Variants in PDSS2 observed in about 807,000 individuals in gnomAD.
The protein encoded by PDSS2 is all trans-polyprenyl-diphosphate synthase PDSS2.
PDSS2 carries 31 observed loss-of-function variants against 44.5 expected under a neutral mutation model. The observed-to-expected ratio is 0.70, with a 90% CI of 0.52 to 0.94. PDSS2 has a LOEUF of 0.94. Among genes scored for constraint, PDSS2 ranks in the 40% least tolerant of loss-of-function variants. The pLI is 0.00. For synonymous variants in PDSS2, 157 were observed against 180.3 expected (o/e 0.87, Z 1.03); for missense variants, 452 against 482.2 (o/e 0.94, Z 0.59).
intron 1 of PDSS2, among the ~76,000 whole-genome samples, chr6:107,381,761 T>C (rs879087820): frequency 1.3e-5 from 2 of 152,234 alleles, no homozygotes; most frequent in Admixed American, 1.3e-4. Flanking sequence ...TATTTCACTA[T>C]AATTATAGCA....
intron 1 of PDSS2, among the ~76,000 whole-genome samples, chr6:107,347,972 C>T (rs1239452139): frequency 1.3e-5 from 2 of 152,082 alleles, no homozygotes; most frequent in African/African-American, 2.4e-5. Context: ...TCCCCCACCC[C>T]CCACACAGTT....
chr6:107,267,255 A>G (rs941048986), intron 3 of PDSS2, among the ~76,000 whole-genome samples: 2 of 152,194 alleles, frequency 1.3e-5, no homozygotes, highest in Admixed American at 6.5e-5. Context: ...TTGTAGGTCT[A>G]ATCCATGAAC....
chr6:107,333,091 T>TA lies in PDSS2; in HGVS notation c.431+1106dup, dbSNP rs548084048. On this transcript the variant is annotated intron_variant, in intron 2 of 7. Coordinates refer to ENST00000369037, the MANE Select transcript of PDSS2 (RefSeq NM_020381.4). ...GGACAAGACCACTAGAAATAAAATT[T>TA]AAAAAAAATAGATTTATTTTTAAAG... 2.0e-3 allele frequency among the ~76,000 whole-genome samples: 303 copies of TA among 152,054 alleles called. 1 individual carries two copies. Among genetic ancestry groups the TA allele is most frequent in the Non-Finnish European group, 3.0e-3 (207 of 67,960 alleles).
At chr6:107,383,137 T>G (rs1363954127) in intron 1 of PDSS2, among the ~76,000 whole-genome samples, 1 of 150,758 alleles carries the variant, frequency 6.6e-6, no homozygotes, top group Non-Finnish European at 1.5e-5. Flanking sequence ...CCCCCATCTC[T>G]ACTAAAAAAA....
intron 7 of PDSS2, among the ~76,000 whole-genome samples, chr6:107,163,971 C>A (rs782397127): frequency 6.6e-6 from 1 of 151,982 alleles, no homozygotes; most frequent in Non-Finnish European, 1.5e-5. Flanking sequence ...CTTGCCTGGC[C>A]GTAAGACTCA....
Position 107,245,613 on chromosome 6 carries a change from C to G in PDSS2, c.637G>C (p.Glu213Gln). The change falls in exon 4 of 8, where the codon GAA becomes CAA. Residue 213 changes from glutamate to glutamine, a missense_variant. Transcript: ENST00000369037. ...TCCATAAGAGCACTTGCTAAAAGTT[C>G]CACAACCTAAAAAGCAAGAAGAAAA... is the stretch of plus-strand genomic sequence containing the variant. The part of the protein sequence containing the change: ...LALLQNTKVV[E>Q]LLASALMDLV... 2 of 1,575,998 alleles carry G rather than the reference C, an allele frequency of 1.3e-6. No individual in the cohort carries two copies. The highest frequency in any genetic ancestry group is 1.7e-6 in the Non-Finnish European group (2 of 1,152,150).
chr6:107,216,427 T>G lies in PDSS2; in HGVS notation c.703-4145A>C, dbSNP rs6568476. Among the ~76,000 whole-genome samples the G allele has an allele frequency of 9.8e-4, 149 of 152,008 alleles. 1 individual carries two copies. The highest frequency in any genetic ancestry group is 1.6e-3 in the Non-Finnish European group (109 of 67,972). On this transcript the variant is annotated intron_variant, in intron 4 of 7. Coordinates refer to ENST00000369037, the MANE Select transcript of PDSS2 (RefSeq NM_020381.4). ...GGCAGAGGTTGCAGTGAGCTGAGATTGCGCCACTGCACTCTAACCTGGACA... is the reference window on the plus strand; with the variant it reads ...GGCAGAGGTTGCAGTGAGCTGAGATGGCGCCACTGCACTCTAACCTGGACA...
chr6:107,315,788 G>A (rs1777180348), intron 2 of PDSS2, among the ~76,000 whole-genome samples: 1 of 152,172 alleles, frequency 6.6e-6, no homozygotes, highest in African/African-American at 2.4e-5. Context: ...GTAAGGTAAG[G>A]ATTACCCAGG....
At chr6:107,201,099 G>A (rs1197361121) in intron 6 of PDSS2, among the ~76,000 whole-genome samples, 1 of 152,134 alleles carries the variant, frequency 6.6e-6, no homozygotes, top group Non-Finnish European at 1.5e-5. Context: ...AGAAGCCGCT[G>A]TAAATTCTAC....
At chr6:107,293,823 T>G (rs1776423331) in intron 2 of PDSS2, among the ~76,000 whole-genome samples, 2 of 152,142 alleles carry the variant, frequency 1.3e-5, no homozygotes, top group Admixed American at 1.3e-4. Flanking sequence ...GAAGAAAAGA[T>G]GTGTGATAGC....
Position 107,212,130 on chromosome 6 carries a change from C to T in PDSS2, c.855G>A (p.Lys285=). The change falls in exon 5 of 8, where the codon AAG becomes AAA. Residue 285 remains lysine, a synonymous_variant. Transcript: ENST00000369037. ...EVQNMAFQYG[K]HMAMSHKINS... ...GTACCTTATGACTCATGGCCATGTGCTTCCCATACTGAAATGCCATATTCT... is the reference window on the plus strand; with the variant it reads ...GTACCTTATGACTCATGGCCATGTGTTTCCCATACTGAAATGCCATATTCT... The T allele has an allele frequency of 1.9e-6, 3 of 1,614,042 alleles. No individual in the cohort carries two copies. The Admixed American group carries it at 5.0e-5, about 27-fold the overall frequency.
At chr6:107,350,309 C>T (rs1344590432) in intron 1 of PDSS2, among the ~76,000 whole-genome samples, 1 of 152,222 alleles carries the variant, frequency 6.6e-6, no homozygotes, top group Non-Finnish European at 1.5e-5. Context: ...ATTCATCACA[C>T]ACCAGAGCAG....
In PDSS2 at chr6:107,254,781, C is replaced by G. The variant is rs893236978; in HGVS notation, c.631-9162G>C. Among the ~76,000 whole-genome samples, 3 of 152,182 alleles carry G rather than the reference C, an allele frequency of 2.0e-5. No individual in the cohort carries two copies. In the South Asian group the frequency reaches 6.2e-4, roughly 31 times the overall value. ...CCTCTCAGTGATGTAAACTGAAAGA[C>G]TGTTGTTGGCTAGCACACTGCCTTC... On this transcript the variant is annotated intron_variant, in intron 3 of 7. Coordinates refer to ENST00000369037, the MANE Select transcript of PDSS2 (RefSeq NM_020381.4).
At chr6:107,369,112 T>G (rs1779051700) in intron 1 of PDSS2, among the ~76,000 whole-genome samples, 1 of 152,128 alleles carries the variant, frequency 6.6e-6, no homozygotes, top group Non-Finnish European at 1.5e-5. Context: ...TGAATATTCA[T>G]ATATTTATTT....
At chr6:107,269,473 C>T (rs531711797) in intron 3 of PDSS2, among the ~76,000 whole-genome samples, 7 of 151,270 alleles carry the variant, frequency 4.6e-5, no homozygotes, top group Admixed American at 4.0e-4. Context: ...TCTTGTATAT[C>T]GTTTGAGTTG....
chr6:107,339,451 A>T (rs1355299008), intron 1 of PDSS2, among the ~76,000 whole-genome samples: 1 of 152,224 alleles, frequency 6.6e-6, no homozygotes, highest in Non-Finnish European at 1.5e-5. Context: ...CGCCTTCTAT[A>T]CATCAAGCAT....
chr6:107,237,517 A>G (rs1774264200), intron 4 of PDSS2, among the ~76,000 whole-genome samples: 1 of 151,980 alleles, frequency 6.6e-6, no homozygotes, highest in Non-Finnish European at 1.5e-5. Context: ...TGCTGGGATT[A>G]CAGGCATGAG....
At chr6:107,177,585 G>A (rs1771838818) in intron 7 of PDSS2, among the ~76,000 whole-genome samples, 1 of 152,128 alleles carries the variant, frequency 6.6e-6, no homozygotes, top group Admixed American at 6.6e-5. Context: ...GGAATATTTG[G>A]TGATTTATAA....
intron 2 of PDSS2, among the ~76,000 whole-genome samples, chr6:107,279,602 GCAACA>G (rs1333685186): frequency 1.3e-5 from 2 of 152,098 alleles, no homozygotes; most frequent in African/African-American, 4.8e-5. Context: ...GGGGACTGGA[GCAACA>G]CATCCCTTCC....
Sources: gnomAD v4.1 joint callset for allele counts (sites outside exome capture counted in the v4.1 genomes callset) on GRCh38, gnomAD v4.1.1 for gene constraint, MANE v1.5 for transcripts, NCBI Gene and HGNC (gene_info 2026-07-23, HGNC 2026-07-21) for gene names.